Variants in ARHGAP15 observed in about 807,000 individuals in gnomAD.
ARHGAP15 encodes the protein Rho GTPase activating protein 15.
In ARHGAP15, 51 loss-of-function variants were observed where a neutral mutation model predicts 63.7. The observed-to-expected ratio is 0.80, with a 90% CI of 0.64 to 1.01. ARHGAP15 has a LOEUF of 1.01. Among genes scored for constraint, ARHGAP15 ranks in the 50% least tolerant of loss-of-function variants. The pLI is 0.00. For synonymous variants in ARHGAP15, 191 were observed against 193.8 expected (o/e 0.99, Z 0.12); for missense variants, 560 against 564.6 (o/e 0.99, Z 0.08).
At chr2:143,409,259 A>G (rs142384228) in intron 6 of ARHGAP15, among the ~76,000 whole-genome samples, 2 of 152,098 alleles carry the variant, frequency 1.3e-5, no homozygotes, top group African/African-American at 2.4e-5. Flanking sequence ...ATAGAAAACA[A>G]CAACAACACA....
chr2:143,686,416 A>T (rs922777195), intron 12 of ARHGAP15, among the ~76,000 whole-genome samples: 1 of 104,366 alleles, frequency 9.6e-6, no homozygotes, highest in African/African-American at 3.1e-5. Flanking sequence ...AAAAAAAAAA[A>T]GCCCTTGCAA....
At chr2:143,535,399 T>C (rs1467189623) in intron 10 of ARHGAP15, among the ~76,000 whole-genome samples, 3 of 152,186 alleles carry the variant, frequency 2.0e-5, no homozygotes, top group Non-Finnish European at 4.4e-5. Flanking sequence ...TTAATCCACA[T>C]ACTAAAGCGT....
chr2:143,346,431 G>A (rs970063898), intron 6 of ARHGAP15, among the ~76,000 whole-genome samples: 1 of 151,946 alleles, frequency 6.6e-6, no homozygotes, highest in African/African-American at 2.4e-5. Context: ...ATTCTTTATT[G>A]TCTGTGAGGC....
At chr2:143,471,505 C>T (rs1431304730) in intron 8 of ARHGAP15, among the ~76,000 whole-genome samples, 2 of 151,620 alleles carry the variant, frequency 1.3e-5, no homozygotes, top group East Asian at 3.9e-4. Flanking sequence ...TGATGTTTAG[C>T]AAAGTAAAAA....
intron 6 of ARHGAP15, among the ~76,000 whole-genome samples, chr2:143,402,268 C>T (rs1688015852): frequency 6.6e-6 from 1 of 151,658 alleles, no homozygotes; most frequent in South Asian, 2.1e-4. Flanking sequence ...ATAAAAAATG[C>T]AGGATACGTT....
chr2:143,635,194 C>CTTTTTTTTTTTTTTTTTTTTTT lies in ARHGAP15; in HGVS notation c.1138+10935_1138+10956dup, dbSNP rs10558886. 7.4e-5 allele frequency among the ~76,000 whole-genome samples: 2 copies of CTTTTTTTTTTTTTTTTTTTTTT among 26,882 alleles called. 1 individual carries two copies. The highest frequency in any genetic ancestry group is 1.2e-4 in the Non-Finnish European group (2 of 16,376). 17.6% of individuals were successfully genotyped at this position (26,882 alleles called of 152,430 possible). On this transcript the variant is annotated intron_variant, in intron 12 of 13. Coordinates refer to ENST00000295095, the MANE Select transcript of ARHGAP15 (RefSeq NM_018460.4). ...AACTTTCATATTAACCTCTCAGGAG[C>CTTTTTTTTTTTTTTTTTTTTTT]TTTTTTTTTTTTTTTTTTTTTTTTT...
intron 1 of ARHGAP15, 74 bp from the exon 2 acceptor site, chr2:143,155,403 A>G (rs1690036934): frequency 7.6e-7 from 1 of 1,313,548 alleles, no homozygotes; most frequent in African/African-American, 1.5e-5. Context: ...AATGATTACT[A>G]GGGACACTCC....
At chr2:143,588,531 G>T (rs1413421878) in intron 11 of ARHGAP15, among the ~76,000 whole-genome samples, 2 of 152,032 alleles carry the variant, frequency 1.3e-5, no homozygotes, top group Non-Finnish European at 2.9e-5. Flanking sequence ...TCCCTTCCCT[G>T]TGTCCATGTG....
chr2:143,767,038 C>T (rs576212521), intron 13 of ARHGAP15, among the ~76,000 whole-genome samples: 9 of 152,296 alleles, frequency 5.9e-5, no homozygotes, highest in African/African-American at 1.9e-4. Context: ...TTATTTTCTA[C>T]ACTCTTATTT....
intron 5 of ARHGAP15, among the ~76,000 whole-genome samples, chr2:143,246,646 G>C (rs1209106281): frequency 6.6e-6 from 1 of 151,954 alleles, no homozygotes; most frequent in Non-Finnish European, 1.5e-5. Flanking sequence ...AAGCAGATGA[G>C]AGCGATATCC....
At chr2:143,546,573 C>A (rs899651219) in intron 10 of ARHGAP15, among the ~76,000 whole-genome samples, 12 of 152,046 alleles carry the variant, frequency 7.9e-5, no homozygotes, top group South Asian at 2.1e-4. Flanking sequence ...GCTGTGGCCA[C>A]CCCACTGCTG....
At position 143,507,610 on chromosome 2, in the gene ARHGAP15, T is replaced by A. The variant is rs537033501; in HGVS notation, c.827-11656T>A. Among the ~76,000 whole-genome samples the A allele has an allele frequency of 2.0e-5, 3 of 152,344 alleles. No individual in the cohort carries two copies. In the East Asian group the frequency reaches 5.8e-4, roughly 29 times the overall value. ...TGCAGCTTCGAATTCCATCTAGAGG[T>A]TGATGCTTTCCAAACTTAAAACATC... On this transcript the variant is annotated intron_variant, in intron 9 of 13. Coordinates refer to ENST00000295095, the MANE Select transcript of ARHGAP15 (RefSeq NM_018460.4).
At chr2:143,616,725 A>T (rs1309650532) in intron 11 of ARHGAP15, among the ~76,000 whole-genome samples, 1 of 152,212 alleles carries the variant, frequency 6.6e-6, no homozygotes, top group Admixed American at 6.5e-5. Flanking sequence ...TCCTCTTGCC[A>T]GAAAGGAACC....
At chr2:143,451,301 G>T (rs1690396733) in intron 8 of ARHGAP15, among the ~76,000 whole-genome samples, 1 of 151,804 alleles carries the variant, frequency 6.6e-6, no homozygotes, top group South Asian at 2.1e-4. Context: ...TATTTTCTTT[G>T]TTGTGGAGAA....
chr2:143,414,022 T>C (rs902141191), intron 6 of ARHGAP15, among the ~76,000 whole-genome samples: 34 of 150,470 alleles, frequency 2.3e-4, no homozygotes, highest in Non-Finnish European at 4.1e-4. Context: ...CCTGAAACGT[T>C]TTGCTTGATG....
At chr2:143,348,387 T>G (rs1324660425) in intron 6 of ARHGAP15, among the ~76,000 whole-genome samples, 1 of 152,176 alleles carries the variant, frequency 6.6e-6, no homozygotes. Flanking sequence ...GAAAGTGCCT[T>G]TGTCATTCTT....
intron 11 of ARHGAP15, among the ~76,000 whole-genome samples, chr2:143,568,300 C>A (rs1013452513): frequency 1.3e-5 from 2 of 152,048 alleles, no homozygotes; most frequent in African/African-American, 4.8e-5. Context: ...CCAGAATCTA[C>A]AAAGAACTTA....
At chr2:143,166,001 A>AAGGAAGGAAGGAAG (rs1553442878) in intron 2 of ARHGAP15, among the ~76,000 whole-genome samples, 3 of 101,110 alleles carry the variant, frequency 3.0e-5, no homozygotes, top group African/African-American at 1.4e-4. Flanking sequence ...AAAGAAAGAA[A>AAGGAAGGAAGGAAG]GAAGGAAGGA....
rs1396475484 is a variant in ARHGAP15 at position 143,309,028 on chromosome 2, GTTC to G, written c.474+58431_474+58433del. ...TATTCTGATAATATTATCTCATATT[GTTC>G]TTTGTGTGTTAGTGCATTGCTAAAG... On this transcript the variant is annotated intron_variant, in intron 6 of 13. Transcript: ENST00000295095. 2.0e-5 allele frequency among the ~76,000 whole-genome samples: 3 copies of G among 147,692 alleles called. No homozygotes were observed. In the East Asian group the frequency reaches 6.0e-4, roughly 30 times the overall value.
Sources: allele counts gnomAD v4.1 joint callset (sites outside exome capture counted in the v4.1 genomes callset), GRCh38; gene constraint gnomAD v4.1.1; transcripts MANE v1.5; gene names NCBI Gene and HGNC (gene_info 2026-07-23, HGNC 2026-07-21).